Variants in UPK3A observed in about 807,000 individuals in gnomAD.
The protein encoded by UPK3A is uroplakin-3a.
Under a neutral mutation model 27.6 loss-of-function variants are expected in UPK3A, and 32 were observed. The ratio of observed to expected loss-of-function variants is 1.16; its 90% confidence interval spans 0.87 to 1.55. The LOEUF (loss-of-function observed/expected upper bound fraction) is 1.55, where lower values mean the gene tolerates loss of function less well. Ranked by LOEUF, UPK3A falls within the 40% of genes most tolerant of loss-of-function variation. The pLI is 0.00. For synonymous variants in UPK3A, 171 were observed against 163.9 expected, an observed-to-expected ratio of 1.04 and a Z score of -0.33; for missense variants, 370 against 367.9, an observed-to-expected ratio of 1.01 and a Z score of -0.05.
chr22:45,287,592 G>C, intron 3 of UPK3A, 141 bp downstream of exon 3: 1 of 1,078,116 alleles, frequency 9.3e-7, no homozygotes. Context: ...AGGCCACGCT[G>C]AGCCTCAAGT....
chr22:45,291,972 G>A (rs1389382543), intron 4 of UPK3A, among the ~76,000 whole-genome samples: 1 of 152,042 alleles, frequency 6.6e-6, no homozygotes, highest in Admixed American at 6.5e-5. Flanking sequence ...TGGTGTGTGA[G>A]AATGGCAGTG....
intron 4 of UPK3A, among the ~76,000 whole-genome samples, chr22:45,292,219 C>G: frequency 6.6e-6 from 1 of 152,152 alleles, no homozygotes; most frequent in East Asian, 1.9e-4. Context: ...TTTGGGGAAC[C>G]CAGGCAGAAG....
chr22:45,289,861 C>G (rs2084147753), intron 4 of UPK3A, among the ~76,000 whole-genome samples: 1 of 152,092 alleles, frequency 6.6e-6, no homozygotes, highest in African/African-American at 2.4e-5. Context: ...GGCATTTGGG[C>G]TGGGGATGGG....
At chr22:45,289,915 C>G (rs2084148185) in intron 4 of UPK3A, among the ~76,000 whole-genome samples, 1 of 152,172 alleles carries the variant, frequency 6.6e-6, no homozygotes, top group Non-Finnish European at 1.5e-5. Context: ...CTCTCCAGCC[C>G]TTACAGTGGG....
Position 45,287,212 on chromosome 22 carries a change from C to G in UPK3A, c.249C>G (p.Thr83=). Reference sequence around the variant, plus strand: ...CCTCAGTGCAAGACAGCACCAACACCCCACTGGGCTCAACGTTCCTACAAA... The same window carrying G: ...CCTCAGTGCAAGACAGCACCAACACGCCACTGGGCTCAACGTTCCTACAAA... ...RNASVQDSTN[T]PLGSTFLQTE... is the part of the protein sequence containing the mutation. Residue 83 remains threonine, a synonymous_variant, in exon 3 of 6, where the codon ACC becomes ACG. Coordinates refer to ENST00000216211, the MANE Select transcript of UPK3A (RefSeq NM_006953.4). 1 of 1,614,204 alleles carries G rather than the reference C, an allele frequency of 6.2e-7. No homozygotes were observed. Among genetic ancestry groups the G allele is most frequent in the Non-Finnish European group, 8.5e-7 (1 of 1,180,038 alleles).
Position 45,295,683 on chromosome 22 carries a change from CA to C in UPK3A, c.829del (p.Arg277GlyfsTer56). ...TSVNRGPPLD[R>X]AEVYSSKLQD ...CCGTGAACCGGGGGCCGCCACTGGACAGGGCTGAGGTGTATTCCAGCAAGCT... is the reference window on the plus strand; with the variant it reads ...CCGTGAACCGGGGGCCGCCACTGGACGGGCTGAGGTGTATTCCAGCAAGCT... On this transcript the variant is annotated frameshift_variant, in exon 6 of 6. Transcript: ENST00000216211. LOFTEE classifies it high-confidence loss of function. The C allele has an allele frequency of 6.2e-7, 1 of 1,613,952 alleles. No homozygotes were observed. The highest frequency in any genetic ancestry group is 1.7e-5 in the Admixed American group (1 of 59,998).
At chr22:45,288,998 C>T (rs1015732770) in intron 3 of UPK3A, 63 bp from the exon 4 acceptor site, 25 of 1,548,738 alleles carry the variant, frequency 1.6e-5, no homozygotes, top group African/African-American at 9.5e-5. Context: ...ATCCCCCCAC[C>T]GCCTCCCTGT....
intron 4 of UPK3A, 68 bp from the exon 5 acceptor site, chr22:45,293,113 C>T: frequency 6.2e-7 from 1 of 1,600,364 alleles, no homozygotes; most frequent in Admixed American, 1.7e-5. Flanking sequence ...GAGACACCCG[C>T]CGCCTCCTGG....
At chr22:45,285,183 A>T (rs890916018) in intron 1 of UPK3A, 118 bp downstream of exon 1, 2 of 947,264 alleles carry the variant, frequency 2.1e-6, no homozygotes, top group Non-Finnish European at 3.1e-6. Flanking sequence ...TACTGTTATG[A>T]ATAATAGTGA....
chr22:45,287,394 G>A lies in UPK3A; in HGVS notation c.431G>A (p.Trp144Ter). Residue 144 changes from tryptophan to a stop codon, truncating the protein, a stop_gained, in exon 3 of 6, where the codon TGG becomes TAG. Transcript: ENST00000216211. LOFTEE classifies it high-confidence loss of function. ...GTGGGTGCCAACGGGACCTGCCTGT[G>A]GGATCCCAACTTCCAGGGCCTCTGT... Reference protein sequence around the residue: ...VRVGANGTCLWDPNFQGLCNA... With the variant: ...VRVGANGTCL The A allele has an allele frequency of 1.2e-6, 2 of 1,612,360 alleles. No homozygotes were observed. Among genetic ancestry groups the A allele is most frequent in the South Asian group, 1.1e-5 (1 of 90,760 alleles).
chr22:45,286,085 T>C lies in UPK3A; in HGVS notation c.197T>C (p.Leu66Pro), dbSNP rs777046083. Residue 66 changes from leucine to proline, a missense_variant, in exon 2 of 6, where the codon CTG becomes CCG. Leu to Pro is a moderately conservative substitution (Grantham distance 98, BLOSUM62 -3). Transcript: ENST00000216211. ...ACCCACGAGGTCTACCTGTATGTCC[T>C]GGTCGACTCAGGTAAGGGTCCTGCT... ...TGTHEVYLYV[L>P]VDSAISRNAS... The C allele has an allele frequency of 1.2e-6, 2 of 1,614,172 alleles. No individual in the cohort carries two copies. Among genetic ancestry groups the C allele is most frequent in the South Asian group, 2.2e-5 (2 of 91,088 alleles).
chr22:45,286,586 T>C (rs760518758), intron 2 of UPK3A, among the ~76,000 whole-genome samples: 1 of 152,220 alleles, frequency 6.6e-6, no homozygotes, highest in Non-Finnish European at 1.5e-5. Flanking sequence ...GAGGGGATCC[T>C]GAGCTTCTGA....
Position 45,287,186 on chromosome 22 carries a change from G to C in UPK3A, c.223G>C (p.Ala75Pro). 6.2e-7 allele frequency: 1 copy of C among 1,614,170 alleles called. No individual in the cohort carries two copies. The highest frequency in any genetic ancestry group is 8.5e-7 in the Non-Finnish European group (1 of 1,180,048). The change falls in exon 3 of 6, where the codon GCC becomes CCC. Residue 75 changes from alanine (A) to proline (P), a missense_variant. Ala to Pro is a conservative substitution (Grantham distance 27). Transcript: ENST00000216211. ...CGCCTCTGCAGCCATTTCCAGGAAT[G>C]CCTCAGTGCAAGACAGCACCAACAC... is the stretch of plus-strand genomic sequence containing the variant. ...VLVDSAISRN[A>P]SVQDSTNTPL...
At chr22:45,293,013 G>T (rs1039820010) in intron 4 of UPK3A, among the ~76,000 whole-genome samples, 168 bp from the exon 5 acceptor site, 14 of 152,148 alleles carry the variant, frequency 9.2e-5, no homozygotes, top group African/African-American at 3.4e-4. Flanking sequence ...GGAATGTGGG[G>T]GAAAATAAGG....
At position 45,286,071 on chromosome 22, in the gene UPK3A, C is replaced by T. The variant is rs995565404; in HGVS notation, c.183C>T (p.Val61=). Residue 61 remains valine, a synonymous_variant, in exon 2 of 6, where the codon GTC becomes GTT. Coordinates refer to ENST00000216211, the MANE Select transcript of UPK3A (RefSeq NM_006953.4). ...AGGCCCTCACTGGCACCCACGAGGT[C>T]TACCTGTATGTCCTGGTCGACTCAG... ...SKEALTGTHE[V]YLYVLVDSAI... is the part of the protein sequence containing the mutation. 2.5e-6 allele frequency: 4 copies of T among 1,614,070 alleles called. No individual in the cohort carries two copies. The highest frequency in any genetic ancestry group is 2.7e-5 in the African/African-American group (2 of 74,914).
At chr22:45,295,250 G>T (rs147092069) in intron 5 of UPK3A, among the ~76,000 whole-genome samples, 2 of 152,164 alleles carry the variant, frequency 1.3e-5, no homozygotes, top group African/African-American at 2.4e-5. Flanking sequence ...TGTCCATGCT[G>T]CGTGGTCATT....
intron 1 of UPK3A, among the ~76,000 whole-genome samples, chr22:45,285,682 A>G (rs1327650353): frequency 2.0e-5 from 3 of 151,916 alleles, no homozygotes; most frequent in African/African-American, 7.3e-5. Context: ...GATGGCATGG[A>G]GAGATGCTTA....
intron 5 of UPK3A, among the ~76,000 whole-genome samples, chr22:45,294,820 C>T (rs1266363863): frequency 6.6e-6 from 1 of 152,002 alleles, no homozygotes. Flanking sequence ...GCCCTTCCTG[C>T]CTCACACCCA....
rs202189234 is a variant in UPK3A, at chr22:45,287,190, C to A, written c.227C>A (p.Ser76Ter). 186 of 1,614,048 alleles carry A rather than the reference C, an allele frequency of 1.2e-4. No homozygotes were observed. The highest frequency in any genetic ancestry group is 1.5e-4 in the Non-Finnish European group (178 of 1,180,042). ...TCTGCAGCCATTTCCAGGAATGCCT[C>A]AGTGCAAGACAGCACCAACACCCCA... The part of the protein sequence containing the change: ...LVDSAISRNA[S>*]VQDSTNTPLG... Residue 76 changes from serine to a stop codon, truncating the protein, a stop_gained, in exon 3 of 6, where the codon TCA becomes TAA. Coordinates refer to ENST00000216211, the MANE Select transcript of UPK3A (RefSeq NM_006953.4). LOFTEE classifies it high-confidence loss of function.
Sources: allele counts gnomAD v4.1 joint callset (sites outside exome capture counted in the v4.1 genomes callset), GRCh38; gene constraint gnomAD v4.1.1; transcripts MANE v1.5; gene names NCBI Gene and HGNC (gene_info 2026-07-23, HGNC 2026-07-21).